DMGDH: variants seen among roughly 807,000 people sequenced by gnomAD.
DMGDH encodes the protein dimethylglycine dehydrogenase, mitochondrial.
Under a neutral mutation model 95.2 loss-of-function variants are expected in DMGDH, and 76 were observed. The observed-to-expected ratio is 0.80, with a 90% confidence interval of 0.66 to 0.97. The LOEUF is 0.97. Among genes scored for constraint, DMGDH ranks in the 50% least tolerant of loss-of-function variants. DMGDH has a pLI of 0.00. For missense variants in DMGDH, 987 were observed against 1,055.0 expected (o/e 0.94, Z 0.89); for synonymous variants, 345 against 377.6 (o/e 0.91, Z 1.00).
At chr5:79,062,705 G>A (rs918134670) in intron 2 of DMGDH, among the ~76,000 whole-genome samples, 1 of 152,112 alleles carries the variant, frequency 6.6e-6, no homozygotes, top group African/African-American at 2.4e-5. Flanking sequence ...GACTGACTTG[G>A]CCTGTGTCTC....
intron 2 of DMGDH, among the ~76,000 whole-genome samples, chr5:79,061,242 C>T (rs1324350811): frequency 1.4e-4 from 20 of 140,124 alleles, no homozygotes; most frequent in Admixed American, 9.5e-4. Context: ...CACACACACA[C>T]ACACACACAC....
At chr5:79,069,386 G>GAT in intron 1 of DMGDH, 134 bp downstream of exon 1, 1 of 432,854 alleles carries the variant, frequency 2.3e-6, no homozygotes, top group Non-Finnish European at 3.9e-6. Context: ...ATAATTAAAA[G>GAT]ATAATTCGAG....
rs541491797 is a variant in DMGDH at position 78,998,315 on chromosome 5, A to G, written c.2386-18T>C. On this transcript the variant is annotated intron_variant, in intron 15 of 15. Transcript: ENST00000255189. ...CCAACCACCTGGAAAACAAGACCCA[A>G]CAGTCCTCAGCATCTTGGTCACAGC... 67 of 1,605,776 alleles carry G rather than the reference A, an allele frequency of 4.2e-5. No individual in the cohort carries two copies. Among genetic ancestry groups the G allele is most frequent in the Non-Finnish European group, 5.4e-5 (63 of 1,174,952 alleles).
intron 2 of DMGDH, among the ~76,000 whole-genome samples, chr5:79,063,321 T>A (rs139206828): frequency 2.1e-3 from 317 of 152,290 alleles, no homozygotes; most frequent in African/African-American, 6.8e-3. Flanking sequence ...ACTATTAATA[T>A]TCCTATTAAG....
rs767083132 is a variant in DMGDH, at chr5:79,044,313, C to G, written c.985G>C (p.Val329Leu). 2 of 1,614,222 alleles carry G rather than the reference C, an allele frequency of 1.2e-6. No homozygotes were observed. Among genetic ancestry groups the G allele is most frequent in the Non-Finnish European group, 8.5e-7 (1 of 1,180,024 alleles). Reference sequence around the variant, plus strand: ...CATTTGCTGAACCCACCTGGAGGAACTCCATTGGTGACCCAGGAGTCCTGA... The same window carrying G: ...CATTTGCTGAACCCACCTGGAGGAAGTCCATTGGTGACCCAGGAGTCCTGA... ...KVQDSWVTNG[V>L]PPGFGKELFE... Residue 329 changes from valine to leucine, a missense_variant, in exon 6 of 16, where the codon GTT becomes CTT. Val to Leu is a conservative substitution (Grantham distance 32, BLOSUM62 1). Transcript: ENST00000255189.
At chr5:79,009,903 T>C (rs988945159) in intron 14 of DMGDH, among the ~76,000 whole-genome samples, 14 of 152,312 alleles carry the variant, frequency 9.2e-5, no homozygotes, top group Admixed American at 5.9e-4. Flanking sequence ...GTAATTAAAA[T>C]AGGTGCTTTC....
chr5:79,032,733 C>G lies in DMGDH; in HGVS notation c.1471G>C (p.Glu491Gln), dbSNP rs1754219667. 2 of 1,614,166 alleles carry G rather than the reference C, an allele frequency of 1.2e-6. No individual in the cohort carries two copies. The highest frequency in any genetic ancestry group is 1.7e-6 in the Non-Finnish European group (2 of 1,180,030). ...GGTTTGTAGAACCAGTGCGGCTGCT[C>G]CCAGCCAGCATGGAACCCCATGGAA... ...KCSMGFHAGWEQPHWFYKPGQ... is the reference protein window; with the variant it reads ...KCSMGFHAGWQQPHWFYKPGQ... Residue 491 changes from glutamate to glutamine, a missense_variant, in exon 9 of 16, where the codon GAG becomes CAG. Transcript: ENST00000255189.
At chr5:79,003,170 T>C (rs1753483197) in intron 15 of DMGDH, among the ~76,000 whole-genome samples, 1 of 152,116 alleles carries the variant, frequency 6.6e-6, no homozygotes, top group Non-Finnish European at 1.5e-5. Flanking sequence ...GTAGACTGTA[T>C]TAAGAAGTAC....
intron 2 of DMGDH, among the ~76,000 whole-genome samples, chr5:79,062,350 C>T (rs1256744892): frequency 1.3e-5 from 2 of 151,086 alleles, no homozygotes; most frequent in Non-Finnish European, 2.9e-5. Flanking sequence ...CACTCTCCCC[C>T]AGATTCAGCT....
At chr5:79,029,382 A>G (rs1049197303) in intron 11 of DMGDH, among the ~76,000 whole-genome samples, 1 of 152,242 alleles carries the variant, frequency 6.6e-6, no homozygotes, top group African/African-American at 2.4e-5. Context: ...AGACTTTATA[A>G]TAGAATGAAG....
At chr5:79,055,487 C>A (rs1299538641) in intron 3 of DMGDH, among the ~76,000 whole-genome samples, 4 of 152,188 alleles carry the variant, frequency 2.6e-5, no homozygotes, top group Non-Finnish European at 5.9e-5. Flanking sequence ...ATCGTCAGAT[C>A]CTTTGCAATG....
At chr5:79,060,798 A>G (rs1208907722) in intron 2 of DMGDH, among the ~76,000 whole-genome samples, 2 of 151,924 alleles carry the variant, frequency 1.3e-5, no homozygotes, top group African/African-American at 4.8e-5. Context: ...GCGCACCTGT[A>G]GTCCCAGCTA....
intron 15 of DMGDH, among the ~76,000 whole-genome samples, chr5:78,998,650 G>A (rs550636959): frequency 1.2e-4 from 19 of 152,254 alleles, no homozygotes; most frequent in Non-Finnish European, 1.8e-4. Flanking sequence ...AGGAGTTCAA[G>A]AACAGCCTGG....
chr5:79,054,227 G>T lies in DMGDH; in HGVS notation c.497C>A (p.Pro166His), dbSNP rs1190656938. The T allele has an allele frequency of 2.5e-6, 4 of 1,613,924 alleles. No homozygotes were observed. The highest frequency in any genetic ancestry group is 2.5e-6 in the Non-Finnish European group (3 of 1,180,000). ...WHATEQYLIE[P>H]EKIQEMFPLL... ...AGGGAACATCTCTTGAATTTTTTCAGGTTCAATGAGATACTGTTCTGTTGC... is the reference window on the plus strand; with the variant it reads ...AGGGAACATCTCTTGAATTTTTTCATGTTCAATGAGATACTGTTCTGTTGC... The change falls in exon 4 of 16, where the codon CCT (proline) becomes CAT (histidine). Residue 166 changes from proline (P) to histidine (H), a missense_variant. Transcript: ENST00000255189.
At chr5:79,012,536 A>T (rs1753662504) in intron 14 of DMGDH, among the ~76,000 whole-genome samples, 1 of 151,976 alleles carries the variant, frequency 6.6e-6, no homozygotes, top group African/African-American at 2.4e-5. Flanking sequence ...GGGGGCTCCA[A>T]CCCCACATTT....
chr5:79,056,404 G>A (rs113503479), intron 2 of DMGDH, among the ~76,000 whole-genome samples: 10,833 of 151,856 alleles, frequency 0.071, 862 homozygotes, highest in African/African-American at 0.18. Context: ...TTAGCTGGGC[G>A]TGGTGGCGGG....
chr5:79,037,332 G>A (rs248378), intron 7 of DMGDH, among the ~76,000 whole-genome samples: 84,923 of 151,918 alleles, frequency 0.56, 23,992 homozygotes, highest in East Asian at 0.78. Context: ...GCTTTTTAAC[G>A]TGCTCCTCAG....
At chr5:79,018,852 A>G (rs1197664846) in intron 14 of DMGDH, among the ~76,000 whole-genome samples, 1 of 152,224 alleles carries the variant, frequency 6.6e-6, no homozygotes, top group Non-Finnish European at 1.5e-5. Flanking sequence ...ATATATGAAA[A>G]TAATGATTCA....
intron 15 of DMGDH, among the ~76,000 whole-genome samples, 193 bp from the exon 16 acceptor site, chr5:78,998,490 T>G (rs765174747): frequency 1.3e-5 from 2 of 152,170 alleles, no homozygotes; most frequent in Non-Finnish European, 2.9e-5. Flanking sequence ...AGTTTACAAA[T>G]TATGAAAAGT....
Sources: allele counts gnomAD v4.1 joint callset (sites outside exome capture counted in the v4.1 genomes callset), GRCh38; gene constraint gnomAD v4.1.1; transcripts MANE v1.5; gene names NCBI Gene and HGNC (gene_info 2026-07-23, HGNC 2026-07-21).